Variants in ZNF804A observed in about 807,000 individuals in gnomAD.
The protein encoded by ZNF804A is zinc finger protein 804A.
Under a neutral mutation model 16.5 loss-of-function variants are expected in ZNF804A, and 2 were observed. The ratio of observed to expected loss-of-function variants is 0.12; its 90% CI spans 0.05 to 0.38. ZNF804A has a LOEUF of 0.38. Among genes scored for constraint, ZNF804A ranks in the 10% least tolerant of loss-of-function variants. The pLI is 0.99. For synonymous variants in ZNF804A, 534 were observed against 489.6 expected (o/e 1.09, Z -1.20); for missense variants, 1,473 against 1,390.7 (o/e 1.06, Z -0.94).
intron 1 of ZNF804A, among the ~76,000 whole-genome samples, chr2:184,678,908 A>T (rs1692485671): frequency 6.6e-6 from 1 of 152,242 alleles, no homozygotes; most frequent in Non-Finnish European, 1.5e-5. Flanking sequence ...AGATTCAAAT[A>T]TCAAAGTACA....
At chr2:184,799,933 T>C (rs183480519) in intron 1 of ZNF804A, among the ~76,000 whole-genome samples, 208 of 152,304 alleles carry the variant, frequency 1.4e-3, no homozygotes, top group African/African-American at 4.9e-3. Context: ...AAGTGAAATC[T>C]ATGTGGTCCT....
At chr2:184,834,235 G>T (rs540984116) in intron 1 of ZNF804A, among the ~76,000 whole-genome samples, 1 of 152,050 alleles carries the variant, frequency 6.6e-6, no homozygotes, top group African/African-American at 2.4e-5. Context: ...TTTATTTGAT[G>T]CTAAACATGT....
intron 2 of ZNF804A, among the ~76,000 whole-genome samples, chr2:184,878,046 A>C (rs1269934591): frequency 6.6e-6 from 1 of 152,108 alleles, no homozygotes. Context: ...CTTTCTCCAC[A>C]CCAATTTGTA....
rs566810332 is a variant in ZNF804A, at chr2:184,672,071, T to A, written c.111+73001T>A. On this transcript the variant is annotated intron_variant, in intron 1 of 3. Transcript: ENST00000302277. ...TGCACCTGTGAGCTGTGTGTCAAACTTTCAAATTATCTAAGACACTGTTTG... is the reference window on the plus strand; with the variant it reads ...TGCACCTGTGAGCTGTGTGTCAAACATTCAAATTATCTAAGACACTGTTTG... 2.0e-5 allele frequency among the ~76,000 whole-genome samples: 3 copies of A among 152,302 alleles called. No homozygotes were observed. The South Asian group carries it at 6.2e-4, about 32-fold the overall frequency.
At chr2:184,777,277 G>A (rs1459163601) in intron 1 of ZNF804A, among the ~76,000 whole-genome samples, 1 of 151,564 alleles carries the variant, frequency 6.6e-6, no homozygotes, top group African/African-American at 2.4e-5. Context: ...AAATTTTAAT[G>A]CCTTTTATCC....
chr2:184,660,563 C>A (rs186521226), intron 1 of ZNF804A, among the ~76,000 whole-genome samples: 1 of 152,314 alleles, frequency 6.6e-6, no homozygotes. Flanking sequence ...GGACTGAGTC[C>A]TGAACACAAT....
chr2:184,829,063 T>A lies in ZNF804A; in HGVS notation c.112-37306T>A, dbSNP rs187209431. Among the ~76,000 whole-genome samples the A allele has an allele frequency of 2.0e-3, 300 of 151,866 alleles. 1 individual carries two copies. Among genetic ancestry groups the A allele is most frequent in the South Asian group, 4.6e-3 (22 of 4,814 alleles). On this transcript the variant is annotated intron_variant, in intron 1 of 3. Coordinates refer to ENST00000302277, the MANE Select transcript of ZNF804A (RefSeq NM_194250.2). ...AAAACTAACAGAATGAAACTTGATC[T>A]CTATAAATATAAATGCATTTACTAT...
intron 2 of ZNF804A, among the ~76,000 whole-genome samples, chr2:184,927,424 A>C (rs1219794785): frequency 1.3e-5 from 2 of 152,196 alleles, no homozygotes; most frequent in Non-Finnish European, 2.9e-5. Flanking sequence ...GGCCACCACC[A>C]CTGGGATTGC....
intron 1 of ZNF804A, among the ~76,000 whole-genome samples, chr2:184,677,993 T>C (rs1692467989): frequency 6.6e-6 from 1 of 152,042 alleles, no homozygotes; most frequent in South Asian, 2.1e-4. Flanking sequence ...GTTAACATCT[T>C]AACCTTTTAA....
rs1685650404 is a variant in ZNF804A at position 184,928,904 on chromosome 2, T to G, written c.256-4699T>G. Among the ~76,000 whole-genome samples the G allele has an allele frequency of 2.0e-5, 3 of 152,292 alleles. No individual in the cohort carries two copies. The South Asian group carries it at 6.2e-4, about 32-fold the overall frequency. The stretch of plus-strand genomic sequence containing the variant: ...TTTCTCTTCATGCAGAATGGCCACT[T>G]CTGGGGGTTGGGAGAAGGGAGGCAT... On this transcript the variant is annotated intron_variant, in intron 2 of 3. Transcript: ENST00000302277.
intron 1 of ZNF804A, among the ~76,000 whole-genome samples, chr2:184,862,881 C>T (rs1695820717): frequency 1.3e-5 from 2 of 151,954 alleles, no homozygotes; most frequent in South Asian, 4.2e-4. Flanking sequence ...TATTTGATGA[C>T]AATAAAAAAT....
chr2:184,910,316 A>G (rs1026045878), intron 2 of ZNF804A, among the ~76,000 whole-genome samples: 1 of 151,898 alleles, frequency 6.6e-6, no homozygotes, highest in African/African-American at 2.4e-5. Context: ...GTTCTTCTTT[A>G]TGGCTGTATA....
At chr2:184,807,539 C>CA (rs1694826536) in intron 1 of ZNF804A, among the ~76,000 whole-genome samples, 1 of 151,580 alleles carries the variant, frequency 6.6e-6, no homozygotes. Flanking sequence ...TTTTTGTCTT[C>CA]AAAATCAGGA....
chr2:184,859,915 C>T (rs72905784), intron 1 of ZNF804A, among the ~76,000 whole-genome samples: 23,572 of 151,964 alleles, frequency 0.16, 3,272 homozygotes, highest in African/African-American at 0.37. Flanking sequence ...GCCTTGGCAC[C>T]GGGGTGGGCC....
At chr2:184,686,435 A>C (rs369723670) in intron 1 of ZNF804A, among the ~76,000 whole-genome samples, 8 of 152,194 alleles carry the variant, frequency 5.3e-5, no homozygotes, top group African/African-American at 1.9e-4. Context: ...TTCTTTATCT[A>C]ATCTACCATT....
rs563894906 is a variant in ZNF804A, at chr2:184,739,429, C to T, written c.112-126940C>T. Among the ~76,000 whole-genome samples, 7 of 152,234 alleles carry T rather than the reference C, an allele frequency of 4.6e-5. No individual in the cohort carries two copies. In the East Asian group the frequency reaches 1.4e-3, roughly 29 times the overall value. The stretch of plus-strand genomic sequence containing the variant: ...GTGTGGGGGGAACAGCGTCTCACTC[C>T]ATCACCCAGGCTGGAGTGCAGTGGC... On this transcript the variant is annotated intron_variant, in intron 1 of 3. Coordinates refer to ENST00000302277, the MANE Select transcript of ZNF804A (RefSeq NM_194250.2).
chr2:184,772,663 A>C (rs1358638742), intron 1 of ZNF804A, among the ~76,000 whole-genome samples: 1 of 151,740 alleles, frequency 6.6e-6, no homozygotes, highest in Non-Finnish European at 1.5e-5. Context: ...GGATCATATG[A>C]CAACTATATT....
chr2:184,862,528 A>G (rs370176393), intron 1 of ZNF804A, among the ~76,000 whole-genome samples: 3 of 152,124 alleles, frequency 2.0e-5, no homozygotes, highest in East Asian at 3.9e-4. Context: ...TGTTTCCTTT[A>G]ATAATTTAGA....
chr2:184,655,644 C>T (rs1692063523), intron 1 of ZNF804A, among the ~76,000 whole-genome samples: 1 of 151,556 alleles, frequency 6.6e-6, no homozygotes, highest in South Asian at 2.1e-4. Context: ...AAATATAATT[C>T]TGTATGGTTT....
Sources: gnomAD v4.1 joint callset for allele counts (sites outside exome capture counted in the v4.1 genomes callset) on GRCh38, gnomAD v4.1.1 for gene constraint, MANE v1.5 for transcripts, NCBI Gene and HGNC (gene_info 2026-07-23, HGNC 2026-07-21) for gene names.